The following NIPAL2 variants were observed in gnomAD, a reference collection of about 807,000 sequenced individuals.
NIPAL2 encodes the protein NIPA like domain containing 2.
Under a neutral mutation model 48.9 loss-of-function variants are expected in NIPAL2, and 43 were observed. The observed-to-expected ratio is 0.88, with a 90% CI of 0.69 to 1.13. NIPAL2 has a LOEUF of 1.13. Among genes scored for constraint, NIPAL2 ranks in the 50% most tolerant of loss-of-function variants. The pLI is 0.00. For synonymous variants in NIPAL2, 167 were observed against 174.6 expected, an observed-to-expected ratio of 0.96 and a Z score of 0.34; for missense variants, 446 against 461.4, an observed-to-expected ratio of 0.97 and a Z score of 0.31.
intron 3 of NIPAL2, among the ~76,000 whole-genome samples, chr8:98,250,107 C>T (rs1479446655): frequency 6.6e-6 from 1 of 152,044 alleles, no homozygotes; most frequent in South Asian, 2.1e-4. Context: ...TTAATAGTCT[C>T]TCTCTCTCTC....
chr8:98,239,392 A>C (rs1586375708), intron 3 of NIPAL2, among the ~76,000 whole-genome samples: 1 of 152,172 alleles, frequency 6.6e-6, no homozygotes, highest in African/African-American at 2.4e-5. Flanking sequence ...ACATCATTTT[A>C]CTTTTCTTGT....
At chr8:98,226,081 T>A (rs1206897070) in intron 4 of NIPAL2, among the ~76,000 whole-genome samples, 1 of 152,110 alleles carries the variant, frequency 6.6e-6, no homozygotes, top group African/African-American at 2.4e-5. Context: ...TTTCAATTTC[T>A]TTGTTAAATT....
chr8:98,274,271 C>CTCTATCTA (rs368552051), intron 1 of NIPAL2, among the ~76,000 whole-genome samples: 3 of 151,492 alleles, frequency 2.0e-5, no homozygotes, highest in East Asian at 1.9e-4. Context: ...CTATCTATCT[C>CTCTATCTA]TCTATCTATC....
intron 1 of NIPAL2, among the ~76,000 whole-genome samples, chr8:98,282,369 G>A (rs1357672591): frequency 1.3e-5 from 2 of 152,196 alleles, no homozygotes; most frequent in African/African-American, 4.8e-5. Flanking sequence ...TCCAGGTTTG[G>A]CTTTTGGAAG....
intron 3 of NIPAL2, among the ~76,000 whole-genome samples, chr8:98,244,871 A>G (rs1176981874): frequency 6.6e-6 from 1 of 152,226 alleles, no homozygotes; most frequent in African/African-American, 2.4e-5. Context: ...TCTGGTCTAC[A>G]GGCAAGTTTG....
At position 98,191,120 on chromosome 8, in the gene NIPAL2, T is replaced by C. The variant is rs1446968616; in HGVS notation, c.*1858A>G. The stretch of plus-strand genomic sequence containing the variant: ...CTGTTGGCGGCTGCTAAAGTACTGG[T>C]GTTATGCTTGTGCCTGTGTGAAATT... On this transcript the variant is annotated 3_prime_UTR_variant, in exon 11 of 11. Transcript: ENST00000430223. The C allele has an allele frequency of 6.6e-6, 1 of 152,244 alleles. No homozygotes were observed. The highest frequency in any genetic ancestry group is 1.5e-5 in the Non-Finnish European group (1 of 68,050). The allele number at this position is 152,244 out of a possible 1,614,324, so 9.4% of individuals were successfully genotyped here.
chr8:98,208,540 G>A lies in NIPAL2; in HGVS notation c.656-3294C>T, dbSNP rs572509702. Reference sequence around the variant, plus strand: ...CTTGGCTCACTGCAATCTCCACCTCGTGGGTTCAAATAATTGTCCTGCCTC... The same window carrying A: ...CTTGGCTCACTGCAATCTCCACCTCATGGGTTCAAATAATTGTCCTGCCTC... On this transcript the variant is annotated intron_variant, in intron 6 of 10. Coordinates refer to ENST00000430223, the MANE Select transcript of NIPAL2 (RefSeq NM_001321635.2). 6.6e-4 allele frequency among the ~76,000 whole-genome samples: 101 copies of A among 151,974 alleles called. 1 individual carries two copies. The highest frequency in any genetic ancestry group is 1.6e-3 in the Admixed American group (24 of 15,244).
At chr8:98,267,863 A>C (rs968270944) in intron 1 of NIPAL2, among the ~76,000 whole-genome samples, 1 of 152,188 alleles carries the variant, frequency 6.6e-6, no homozygotes, top group Non-Finnish European at 1.5e-5. Context: ...CCTGGAACCT[A>C]CATGAGGCAA....
chr8:98,286,832 AAACC>A (rs1563560001), intron 1 of NIPAL2, among the ~76,000 whole-genome samples: 4 of 142,808 alleles, frequency 2.8e-5, no homozygotes, highest in African/African-American at 1.2e-4. Flanking sequence ...AAAAAAAAAA[AAACC>A]AAAAACAAAC....
chr8:98,212,213 A>G (rs1811352428), intron 6 of NIPAL2, among the ~76,000 whole-genome samples, 192 bp downstream of exon 6: 1 of 152,190 alleles, frequency 6.6e-6, no homozygotes, highest in Admixed American at 6.5e-5. Context: ...TAAAAATTAA[A>G]TATATATCAA....
At chr8:98,263,384 A>G (rs1461098484) in intron 1 of NIPAL2, among the ~76,000 whole-genome samples, 8 of 150,750 alleles carry the variant, frequency 5.3e-5, no homozygotes, top group Admixed American at 2.6e-4. Flanking sequence ...ACCGCTAGCA[A>G]GACTAATAAA....
At chr8:98,230,398 C>A (rs1210405587) in intron 4 of NIPAL2, among the ~76,000 whole-genome samples, 3 of 152,040 alleles carry the variant, frequency 2.0e-5, no homozygotes, top group Admixed American at 2.0e-4. Flanking sequence ...GTAGATGCTC[C>A]ACCAAAAAAG....
chr8:98,219,331 A>C (rs1359052682), intron 5 of NIPAL2, among the ~76,000 whole-genome samples: 1 of 152,138 alleles, frequency 6.6e-6, no homozygotes, highest in Non-Finnish European at 1.5e-5. Flanking sequence ...ATTCTTTTAG[A>C]AGACGTTGGA....
At chr8:98,240,607 G>T (rs568176773) in intron 3 of NIPAL2, among the ~76,000 whole-genome samples, 19 of 152,254 alleles carry the variant, frequency 1.2e-4, no homozygotes, top group African/African-American at 4.6e-4. Flanking sequence ...GCAAAAGGGG[G>T]TCTAATCTGA....
rs115155270 is a variant in NIPAL2, at chr8:98,259,575, A to T, written c.136-5488T>A. On this transcript the variant is annotated intron_variant, in intron 1 of 10. Transcript: ENST00000430223. ...CTTGGCCAGGTAGTCTTGTACCTCC[A>T]CCTGTTAGGAAAAACAGTCTATTTC... Among the ~76,000 whole-genome samples, 490 of 152,318 alleles carry T rather than the reference A, an allele frequency of 3.2e-3. 1 individual carries two copies. The highest frequency in any genetic ancestry group is 0.011 in the African/African-American group (457 of 41,566).
At chr8:98,267,351 T>C (rs368767515) in intron 1 of NIPAL2, among the ~76,000 whole-genome samples, 4 of 150,018 alleles carry the variant, frequency 2.7e-5, no homozygotes, top group African/African-American at 9.8e-5. Context: ...TGAAACAGGG[T>C]CTCACTTTGT....
At chr8:98,287,334 T>C (rs911246956) in intron 1 of NIPAL2, among the ~76,000 whole-genome samples, 1 of 152,210 alleles carries the variant, frequency 6.6e-6, no homozygotes, top group Admixed American at 6.5e-5. Flanking sequence ...GAAGAATCTC[T>C]GCCTTAGTAC....
chr8:98,260,118 T>G (rs1301592336), intron 1 of NIPAL2, among the ~76,000 whole-genome samples: 1 of 152,150 alleles, frequency 6.6e-6, no homozygotes, highest in African/African-American at 2.4e-5. Context: ...AGGGTTACCA[T>G]GGCATAGAGG....
intron 6 of NIPAL2, among the ~76,000 whole-genome samples, chr8:98,206,514 C>G (rs536099580): frequency 6.6e-6 from 1 of 151,930 alleles, no homozygotes; most frequent in African/African-American, 2.4e-5. Context: ...TGGCCGGGCG[C>G]GGTGGCTCAC....
Sources: allele counts gnomAD v4.1 joint callset (sites outside exome capture counted in the v4.1 genomes callset), GRCh38; gene constraint gnomAD v4.1.1; transcripts MANE v1.5; gene names NCBI Gene and HGNC (gene_info 2026-07-23, HGNC 2026-07-21).